The following PRKAA2 variants were observed in gnomAD, a reference collection of about 807,000 sequenced individuals.
PRKAA2 encodes 5'-AMP-activated protein kinase catalytic subunit alpha-2.
Under a neutral mutation model 56.3 loss-of-function variants are expected in PRKAA2, and 40 were observed. The ratio of observed to expected loss-of-function variants is 0.71; its 90% confidence interval spans 0.55 to 0.92. The LOEUF is 0.92. Ranked by LOEUF, PRKAA2 falls within the 40% of genes least tolerant of loss-of-function variation. PRKAA2 has a pLI of 0.00. For synonymous variants in PRKAA2, 214 were observed against 234.2 expected (o/e 0.91, Z 0.79); for missense variants, 542 against 686.9 (o/e 0.79, Z 2.36).
chr1:56,688,891 A>G (rs899713727), intron 2 of PRKAA2, among the ~76,000 whole-genome samples: 4 of 152,244 alleles, frequency 2.6e-5, no homozygotes, highest in African/African-American at 9.6e-5. Flanking sequence ...ACAAGTAGGT[A>G]CTCAATAAAT....
intron 2 of PRKAA2, among the ~76,000 whole-genome samples, chr1:56,689,329 A>G (rs1644211921): frequency 6.6e-6 from 1 of 152,188 alleles, no homozygotes; most frequent in Non-Finnish European, 1.5e-5. Context: ...TTCATTTGAA[A>G]TAGTCTCAAT....
At position 56,676,811 on chromosome 1, in the gene PRKAA2, C is replaced by T. The variant is rs144381771; in HGVS notation, c.236+2289C>T. Among the ~76,000 whole-genome samples the T allele has an allele frequency of 3.3e-3, 507 of 152,310 alleles. 7 individuals are homozygous for T. Among genetic ancestry groups the T allele is most frequent in the African/African-American group, 0.012 (481 of 41,570 alleles). Reference sequence around the variant, plus strand: ...ACCGGCAGCAAGAGTATGCCACTGACTGTTCAGAGCAGGCTTTTATGGGAT... The same window carrying T: ...ACCGGCAGCAAGAGTATGCCACTGATTGTTCAGAGCAGGCTTTTATGGGAT... On this transcript the variant is annotated intron_variant, in intron 2 of 8. Coordinates refer to ENST00000371244, the MANE Select transcript of PRKAA2 (RefSeq NM_006252.4).
chr1:56,677,691 C>T (rs1291709248), intron 2 of PRKAA2, among the ~76,000 whole-genome samples: 1 of 145,672 alleles, frequency 6.9e-6, no homozygotes, highest in African/African-American at 2.6e-5. Context: ...GAGCCTAGCT[C>T]TGTTGCCCAG....
rs1256858440 is a variant in PRKAA2, at chr1:56,690,595, C to T, written c.237-799C>T. On this transcript the variant is annotated intron_variant, in intron 2 of 8. Coordinates refer to ENST00000371244, the MANE Select transcript of PRKAA2 (RefSeq NM_006252.4). The stretch of plus-strand genomic sequence containing the variant: ...GAATCAGAATCAAAATAAGTCTATA[C>T]AGCATAATTGGTCAATATGTCTCTT... Among the ~76,000 whole-genome samples the T allele has an allele frequency of 4.6e-5, 7 of 152,322 alleles. No homozygotes were observed. In the East Asian group the frequency reaches 1.4e-3, roughly 29 times the overall value.
At chr1:56,701,402 A>AAT (rs1553150473) in intron 6 of PRKAA2, among the ~76,000 whole-genome samples, 1 of 151,814 alleles carries the variant, frequency 6.6e-6, no homozygotes, top group Non-Finnish European at 1.5e-5. Flanking sequence ...CTCAAAAAAA[A>AAT]ATATATATAG....
At chr1:56,705,921 C>T (rs1053548303) in intron 7 of PRKAA2, among the ~76,000 whole-genome samples, 171 bp from the exon 8 acceptor site, 2 of 152,118 alleles carry the variant, frequency 1.3e-5, no homozygotes, top group African/African-American at 2.4e-5. Flanking sequence ...AATTGCCATA[C>T]AGTACTGCTT....
chr1:56,652,939 A>G (rs1643913866), intron 1 of PRKAA2, among the ~76,000 whole-genome samples: 1 of 152,216 alleles, frequency 6.6e-6, no homozygotes, highest in Non-Finnish European at 1.5e-5. Context: ...TCTGTGCTTT[A>G]TGATACTTAT....
intron 1 of PRKAA2, chr1:56,671,540 CACTT>C (rs1644076997): frequency 6.6e-6 from 1 of 152,184 alleles, no homozygotes; most frequent in Admixed American, 6.5e-5. Context: ...TGATATGTCT[CACTT>C]TGTTTGTTTT....
Position 56,707,951 on chromosome 1 carries a change from G to GTTAA in PRKAA2, c.*240_*243dup, listed in dbSNP as rs764534733. The GTTAA allele has an allele frequency of 1.5e-5, 8 of 526,346 alleles. No individual in the cohort carries two copies. The highest frequency in any genetic ancestry group is 2.4e-5 in the Non-Finnish European group (7 of 297,502). 32.6% of individuals were successfully genotyped at this position (526,346 alleles called of 1,614,324 possible). On this transcript the variant is annotated 3_prime_UTR_variant, in exon 9 of 9. Transcript: ENST00000371244. ...TTCACATAGGCAATATCTTTAATAG[G>GTTAA]TTAATATCAATGAAGATTTTTAATT...
chr1:56,689,537 G>GT (rs559464261), intron 2 of PRKAA2, among the ~76,000 whole-genome samples: 47 of 152,130 alleles, frequency 3.1e-4, no homozygotes, highest in Non-Finnish European at 3.4e-4. Flanking sequence ...GGCCAACATG[G>GT]TGAAACCCCC....
At position 56,712,124 on chromosome 1, in the gene PRKAA2, T is replaced by C. The variant is rs1295697008; in HGVS notation, c.*4411T>C. 1.3e-5 allele frequency: 2 copies of C among 152,178 alleles called. No individual in the cohort carries two copies. The highest frequency in any genetic ancestry group is 4.8e-5 in the African/African-American group (2 of 41,440). The allele number at this position is 152,178 out of a possible 1,614,324, so 9.4% of individuals were successfully genotyped here. A position where few individuals can be genotyped will look rare whatever the true frequency, so the allele number is the denominator to read the frequency against. Reference sequence around the variant, plus strand: ...TGTTTACTTACTATTACGATAACTTTGAGAGGTAACCAGAGAAAGCATTTT... The same window carrying C: ...TGTTTACTTACTATTACGATAACTTCGAGAGGTAACCAGAGAAAGCATTTT... On this transcript the variant is annotated 3_prime_UTR_variant, in exon 9 of 9. Transcript: ENST00000371244.
At chr1:56,670,616 T>G (rs1046342191) in intron 1 of PRKAA2, among the ~76,000 whole-genome samples, 1 of 152,134 alleles carries the variant, frequency 6.6e-6, no homozygotes, top group Non-Finnish European at 1.5e-5. Context: ...GGGAGTTTGA[T>G]GTATGGGAGA....
intron 1 of PRKAA2, among the ~76,000 whole-genome samples, chr1:56,657,346 C>T (rs1489423355): frequency 3.3e-5 from 5 of 152,074 alleles, no homozygotes; most frequent in South Asian, 4.1e-4. Flanking sequence ...AAACAAACTG[C>T]CAGCTTATAA....
chr1:56,714,615 G>A lies in PRKAA2; in HGVS notation c.*6902G>A, dbSNP rs1416031112. 4 of 152,110 alleles carry A rather than the reference G, an allele frequency of 2.6e-5. No individual in the cohort carries two copies. The highest frequency in any genetic ancestry group is 9.7e-5 in the African/African-American group (4 of 41,450). 9.4% of individuals were successfully genotyped at this position (152,110 alleles called of 1,614,324 possible). On this transcript the variant is annotated 3_prime_UTR_variant, in exon 9 of 9. Transcript: ENST00000371244. ...AAATGTTGGCTGAAGCTGCCTTAAT[G>A]TACCAAAATACAGCTCTCAAGACTG...
intron 1 of PRKAA2, among the ~76,000 whole-genome samples, chr1:56,668,308 A>G (rs1403162494): frequency 6.6e-6 from 1 of 151,420 alleles, no homozygotes; most frequent in Non-Finnish European, 1.5e-5. Context: ...AGATATACCT[A>G]ATGTTAGATG....
At chr1:56,655,921 C>T (rs1357307730) in intron 1 of PRKAA2, among the ~76,000 whole-genome samples, 2 of 152,130 alleles carry the variant, frequency 1.3e-5, no homozygotes, top group South Asian at 4.1e-4. Context: ...GATTTTCATA[C>T]ACAATGTTCA....
Position 56,692,344 on chromosome 1 carries a change from T to G in PRKAA2, c.331-14T>G, listed in dbSNP as rs558738212. 6.2e-7 allele frequency: 1 copy of G among 1,613,604 alleles called. No individual in the cohort carries two copies. The highest frequency in any genetic ancestry group is 2.2e-5 in the East Asian group (1 of 44,830). On this transcript the variant is annotated splice_polypyrimidine_tract_variant and intron_variant, in intron 3 of 8. Transcript: ENST00000371244. ...CCCAGATATTCTTAATGCAGTTTCT[T>G]TTGTGCTTGATAGGTTGAAGAGATG...
At chr1:56,664,889 C>CACACACACACACACAT (rs1557546768) in intron 1 of PRKAA2, among the ~76,000 whole-genome samples, 1 of 139,478 alleles carries the variant, frequency 7.2e-6, no homozygotes, top group East Asian at 2.2e-4. Flanking sequence ...CACACACACA[C>CACACACACACACACAT]ACATATATAC....
intron 1 of PRKAA2, 22 bp downstream of exon 1, chr1:56,645,503 G>T (rs1349410017): frequency 1.4e-6 from 2 of 1,448,632 alleles, no homozygotes; most frequent in Admixed American, 2.4e-5. Flanking sequence ...GCTCCGGACC[G>T]CTGTGCGGGG....
Sources: allele counts gnomAD v4.1 joint callset (sites outside exome capture counted in the v4.1 genomes callset), GRCh38; gene constraint gnomAD v4.1.1; transcripts MANE v1.5; gene names NCBI Gene and HGNC (gene_info 2026-07-23, HGNC 2026-07-21).